Variants in EFCAB5 observed in about 807,000 individuals in gnomAD.
EFCAB5 encodes the protein EF-hand calcium-binding domain-containing protein 5.
Under a neutral mutation model 167.9 loss-of-function variants are expected in EFCAB5, and 131 were observed. The ratio of observed to expected loss-of-function variants is 0.78; its 90% CI spans 0.68 to 0.90. The LOEUF is 0.90. Among genes scored for constraint, EFCAB5 ranks in the 40% least tolerant of loss-of-function variants. The pLI, the probability that EFCAB5 is intolerant of heterozygous loss-of-function variation, is 0.00. For missense variants in EFCAB5, 1,663 were observed against 1,745.2 expected (o/e 0.95, Z 0.84); for synonymous variants, 574 against 602.8 (o/e 0.95, Z 0.70).
chr17:29,938,114 A>G (rs2067260856), upstream of EFCAB5, among the ~76,000 whole-genome samples: 1 of 152,194 alleles, frequency 6.6e-6, no homozygotes, highest in Non-Finnish European at 1.5e-5. Flanking sequence ...TTTGGCCCTC[A>G]TACAGGCAGA....
chr17:30,086,680 G>A (rs2071095066), intron 18 of EFCAB5, among the ~76,000 whole-genome samples: 1 of 152,198 alleles, frequency 6.6e-6, no homozygotes, highest in Non-Finnish European at 1.5e-5. Flanking sequence ...ATCACATGAG[G>A]TGAGGAGTTC....
At chr17:30,080,713 C>G in intron 16 of EFCAB5, 40 bp from the exon 17 acceptor site, 1 of 1,420,514 alleles carries the variant, frequency 7.0e-7, no homozygotes, top group Non-Finnish European at 9.7e-7. Flanking sequence ...CTAAATCTCT[C>G]CCTGTGCCTT....
chr17:30,039,525 C>T (rs2069712614), intron 8 of EFCAB5, among the ~76,000 whole-genome samples: 1 of 152,178 alleles, frequency 6.6e-6, no homozygotes, highest in Non-Finnish European at 1.5e-5. Flanking sequence ...CTCTGCCACT[C>T]CAGGGAGACC....
intron 7 of EFCAB5, among the ~76,000 whole-genome samples, chr17:30,027,546 C>A (rs1053422525): frequency 2.6e-4 from 40 of 151,918 alleles, no homozygotes; most frequent in African/African-American, 9.7e-4. Flanking sequence ...TTATGTAAAG[C>A]AGGATATGAT....
chr17:30,048,344 T>TAA (rs112459093), intron 8 of EFCAB5, among the ~76,000 whole-genome samples: 12,546 of 146,222 alleles, frequency 0.086, 1,122 homozygotes, highest in African/African-American at 0.23. Flanking sequence ...GCCAGAATGT[T>TAA]AAAAAAAAAA....
chr17:30,078,387 T>A lies in EFCAB5; in HGVS notation c.2910T>A (p.Ile970=). Residue 970 remains isoleucine (I), a synonymous_variant, in exon 15 of 23, where the codon ATT becomes ATA. Transcript: ENST00000394835. The stretch of plus-strand genomic sequence containing the variant: ...TGAATGCTTTAGAGAGGAGCCACAT[T>A]GAGAGTCTGAGGAATTCTGCCAGGC... ...FLMNALERSH[I]ESLRNSARRK... 1 of 1,613,972 alleles carries A rather than the reference T, an allele frequency of 6.2e-7. No homozygotes were observed. The highest frequency in any genetic ancestry group is 8.5e-7 in the Non-Finnish European group (1 of 1,179,884).
intron 18 of EFCAB5, among the ~76,000 whole-genome samples, chr17:30,086,642 C>T (rs2071094326): frequency 6.6e-6 from 1 of 152,078 alleles, no homozygotes; most frequent in Admixed American, 6.5e-5. Context: ...CCTGTAATCT[C>T]AGCACTTTGG....
chr17:30,006,718 C>T (rs1052136129), intron 7 of EFCAB5, among the ~76,000 whole-genome samples: 7 of 152,184 alleles, frequency 4.6e-5, no homozygotes, highest in African/African-American at 7.2e-5. Context: ...GGCACAATTT[C>T]GGCTCACTGC....
chr17:29,969,354 A>T lies in EFCAB5; in HGVS notation c.754A>T (p.Thr252Ser). ...AGACCTGAAGATATATGTTCCTGAC[A>T]CTATCTGCAACAGGTACAATCTGTT... is the stretch of plus-strand genomic sequence containing the variant. ...TEDLKIYVPDTICNRVSKMKE... is the reference protein window; with the variant it reads ...TEDLKIYVPDSICNRVSKMKE... Residue 252 changes from threonine to serine, a missense_variant, in exon 4 of 23, where the codon ACT becomes TCT. Thr to Ser is a moderately conservative substitution (Grantham distance 58, BLOSUM62 1). Coordinates refer to ENST00000394835, the MANE Select transcript of EFCAB5 (RefSeq NM_198529.4). 6 of 1,588,014 alleles carry T rather than the reference A, an allele frequency of 3.8e-6. No individual in the cohort carries two copies. The highest frequency in any genetic ancestry group is 5.1e-6 in the Non-Finnish European group (6 of 1,169,200).
At chr17:30,058,483 T>G (rs2070337391) in intron 13 of EFCAB5, among the ~76,000 whole-genome samples, 1 of 152,204 alleles carries the variant, frequency 6.6e-6, no homozygotes, top group African/African-American at 2.4e-5. Context: ...CAATTCCAGT[T>G]CTTCCTACTA....
intron 4 of EFCAB5, among the ~76,000 whole-genome samples, chr17:29,974,049 C>T (rs1399717583): frequency 5.3e-5 from 8 of 149,684 alleles, no homozygotes; most frequent in African/African-American, 9.8e-5. Flanking sequence ...CCCAGCTGCT[C>T]GGGAGGCTGA....
At chr17:29,964,156 CA>C (rs2067778561) in intron 3 of EFCAB5, among the ~76,000 whole-genome samples, 1 of 152,000 alleles carries the variant, frequency 6.6e-6, no homozygotes, top group Admixed American at 6.6e-5. Context: ...TATAGCGACA[CA>C]AAATAAACTA....
Position 29,942,264 on chromosome 17 carries a change from A to T in EFCAB5, c.67A>T (p.Arg23Trp). The T allele has an allele frequency of 6.3e-7, 1 of 1,590,976 alleles. No individual in the cohort carries two copies. The highest frequency in any genetic ancestry group is 1.2e-5 in the South Asian group (1 of 86,648). Residue 23 changes from arginine to tryptophan, a missense_variant, in exon 2 of 23, where the codon AGG becomes TGG. Physicochemically the swap from Arg to Trp is moderately radical, Grantham distance 101. Coordinates refer to ENST00000394835, the MANE Select transcript of EFCAB5 (RefSeq NM_198529.4). ...GGAAAACAGAAAAGAAGACAAAGAG[A>T]GGAAATGGAACTTAACTGAAGTGAA... is the stretch of plus-strand genomic sequence containing the variant. ...AQENRKEDKE[R>W]KWNLTEVKEL...
intron 14 of EFCAB5, among the ~76,000 whole-genome samples, chr17:30,062,254 G>A (rs185980299): frequency 2.0e-4 from 31 of 152,252 alleles, no homozygotes; most frequent in African/African-American, 7.5e-4. Flanking sequence ...CTGAGGGAGA[G>A]TGCCATCTTG....
chr17:30,073,018 G>T, intron 14 of EFCAB5: 1 of 542,436 alleles, frequency 1.8e-6, no homozygotes, highest in Non-Finnish European at 3.3e-6. Flanking sequence ...CTTTCACTCT[G>T]CACTCTGGCT....
intron 22 of EFCAB5, among the ~76,000 whole-genome samples, chr17:30,098,216 T>C (rs1472404029): frequency 1.3e-5 from 2 of 149,280 alleles, no homozygotes; most frequent in African/African-American, 4.9e-5. Flanking sequence ...ATTACAGACG[T>C]GAGCCACCAT....
intron 3 of EFCAB5, among the ~76,000 whole-genome samples, chr17:29,962,205 C>A (rs1271627437): frequency 6.6e-6 from 1 of 152,130 alleles, no homozygotes; most frequent in Non-Finnish European, 1.5e-5. Flanking sequence ...CTGAGGATCA[C>A]TTTTTCTATT....
chr17:30,034,945 T>C lies in EFCAB5; in HGVS notation c.1200+560T>C, dbSNP rs569425076. Among the ~76,000 whole-genome samples, 375 of 152,342 alleles carry C rather than the reference T, an allele frequency of 2.5e-3. 1 individual carries two copies. Among genetic ancestry groups the C allele is most frequent in the Non-Finnish European group, 4.5e-3 (305 of 68,038 alleles). Reference sequence around the variant, plus strand: ...TCTTTATAAAGGGGCCCTTATGTGCTGAAGTCAAAATCTTTCATGATGGGC... The same window carrying C: ...TCTTTATAAAGGGGCCCTTATGTGCCGAAGTCAAAATCTTTCATGATGGGC... On this transcript the variant is annotated intron_variant, in intron 8 of 22. Transcript: ENST00000394835.
chr17:29,932,060 A>C (rs138504016), intron 1 of EFCAB5, among the ~76,000 whole-genome samples: 160 of 152,276 alleles, frequency 1.1e-3, no homozygotes, highest in African/African-American at 3.6e-3. Flanking sequence ...TATCTCTACA[A>C]TGGAACCCTA....
Sources: allele counts gnomAD v4.1 joint callset (sites outside exome capture counted in the v4.1 genomes callset), GRCh38; gene constraint gnomAD v4.1.1; transcripts MANE v1.5; gene names NCBI Gene and HGNC (gene_info 2026-07-23, HGNC 2026-07-21).